Variants in FAM227B observed in about 807,000 individuals in gnomAD.
FAM227B encodes family with sequence similarity 227 member B, also known as protein FAM227B.
FAM227B carries 88 observed loss-of-function variants against 73.8 expected under a neutral mutation model. That is an observed-to-expected ratio of 1.19 (90% CI 1.00 to 1.42). FAM227B has a LOEUF of 1.42. Among genes scored for constraint, FAM227B ranks in the 40% most tolerant of loss-of-function variants. The probability of loss-of-function intolerance (pLI) is 0.00; values close to 1 mark genes in which losing one functional copy is unlikely to be tolerated. For synonymous variants in FAM227B, 210 were observed against 190.5 expected (o/e 1.10, Z -0.84); for missense variants, 632 against 590.9 (o/e 1.07, Z -0.72).
At chr15:49,501,015 G>A (rs554311504) in intron 11 of FAM227B, among the ~76,000 whole-genome samples, 84 of 152,252 alleles carry the variant, frequency 5.5e-4, no homozygotes, top group African/African-American at 1.7e-3. Context: ...TGCCAGCACC[G>A]TGCTTCCTGT....
In FAM227B at chr15:49,577,400, T is replaced by C. The variant is rs1000020066; in HGVS notation, c.441+229A>G. The C allele has an allele frequency of 2.3e-6, 1 of 439,132 alleles. No homozygotes were observed. The highest frequency in any genetic ancestry group is 2.0e-5 in the African/African-American group (1 of 48,910). The allele number at this position is 439,132 out of a possible 1,614,324, so 27.2% of individuals were successfully genotyped here. On this transcript the variant is annotated intron_variant, in intron 6 of 15. Coordinates refer to ENST00000299338, the MANE Select transcript of FAM227B (RefSeq NM_152647.3). ...CATATCTAAAATAAAAACAAAATCA[T>C]ATTTCAGAACTAATTTTGATATAAA... is the stretch of plus-strand genomic sequence containing the variant.
chr15:49,365,696 T>G, intron 13 of FAM227B: 1 of 915,370 alleles, frequency 1.1e-6, no homozygotes, highest in South Asian at 1.3e-5. Flanking sequence ...TTCAGTGTTT[T>G]AATTAAATTC....
intron 11 of FAM227B, among the ~76,000 whole-genome samples, chr15:49,376,153 A>G (rs564181488): frequency 1.3e-5 from 2 of 152,156 alleles, no homozygotes; most frequent in Non-Finnish European, 2.9e-5. Context: ...CAATTTATTT[A>G]TTTTTAATTT....
chr15:49,369,329 C>T (rs1596633075), intron 12 of FAM227B, among the ~76,000 whole-genome samples: 1 of 152,088 alleles, frequency 6.6e-6, no homozygotes, highest in African/African-American at 2.4e-5. Context: ...TCCAAATAGC[C>T]AAACCAATGA....
chr15:49,572,072 TAA>T (rs1567607121), intron 8 of FAM227B, among the ~76,000 whole-genome samples: 1 of 152,076 alleles, frequency 6.6e-6, no homozygotes, highest in Non-Finnish European at 1.5e-5. Context: ...CCTCCTTGGT[TAA>T]GTTTAAATCT....
intron 11 of FAM227B, among the ~76,000 whole-genome samples, chr15:49,480,895 A>G (rs2055885736): frequency 6.6e-6 from 1 of 152,222 alleles, no homozygotes; most frequent in Non-Finnish European, 1.5e-5. Context: ...TGGACCAAAA[A>G]GGGAAGATGT....
At chr15:49,402,547 G>A (rs931876059) in intron 11 of FAM227B, among the ~76,000 whole-genome samples, 6 of 152,118 alleles carry the variant, frequency 3.9e-5, no homozygotes, top group African/African-American at 1.4e-4. Context: ...GCAATTGTGA[G>A]TGGGAATTCA....
chr15:49,410,990 G>A (rs1352891461), intron 11 of FAM227B, among the ~76,000 whole-genome samples: 1 of 140,026 alleles, frequency 7.1e-6, no homozygotes, highest in Non-Finnish European at 1.6e-5. Flanking sequence ...GTATGTGTGT[G>A]TGTGTATCTG....
chr15:49,555,399 G>A (rs894798328), intron 9 of FAM227B, among the ~76,000 whole-genome samples: 1 of 152,188 alleles, frequency 6.6e-6, no homozygotes, highest in South Asian at 2.1e-4. Flanking sequence ...CTGGGTTGTA[G>A]GGCTTTTGCT....
chr15:49,354,913 C>T (rs893127877), intron 13 of FAM227B, among the ~76,000 whole-genome samples: 9 of 152,168 alleles, frequency 5.9e-5, no homozygotes, highest in African/African-American at 2.2e-4. Context: ...AGACTGCCTC[C>T]TCAAGTGGGT....
chr15:49,562,193 A>G (rs769762738), intron 9 of FAM227B, among the ~76,000 whole-genome samples: 4 of 152,096 alleles, frequency 2.6e-5, no homozygotes, highest in Non-Finnish European at 5.9e-5. Flanking sequence ...CAAAAATACA[A>G]TAGATTCTCA....
intron 11 of FAM227B, among the ~76,000 whole-genome samples, chr15:49,439,243 C>T (rs1324632001): frequency 6.6e-6 from 1 of 150,844 alleles, no homozygotes; most frequent in African/African-American, 2.4e-5. Flanking sequence ...AACATGGCAA[C>T]TGGCCTCCTT....
At chr15:49,568,928 CT>C (rs2074876767) in intron 8 of FAM227B, among the ~76,000 whole-genome samples, 1 of 151,918 alleles carries the variant, frequency 6.6e-6, no homozygotes, top group African/African-American at 2.4e-5. Flanking sequence ...TCCTCTTCAA[CT>C]TTTTGAAAGA....
chr15:49,574,423 TAGTC>T (rs2075317413), intron 8 of FAM227B, among the ~76,000 whole-genome samples: 1 of 152,142 alleles, frequency 6.6e-6, no homozygotes, highest in Non-Finnish European at 1.5e-5. Context: ...GTTCTCGTAA[TAGTC>T]AGTGAGTTCT....
intron 11 of FAM227B, among the ~76,000 whole-genome samples, chr15:49,422,180 G>A (rs1431668460): frequency 7.6e-6 from 1 of 131,292 alleles, no homozygotes; most frequent in Non-Finnish European, 1.6e-5. Flanking sequence ...GCGCGCGCGT[G>A]CACGCGTGTG....
At chr15:49,384,045 C>A (rs2151535809) in intron 11 of FAM227B, among the ~76,000 whole-genome samples, 1 of 152,218 alleles carries the variant, frequency 6.6e-6, no homozygotes, top group South Asian at 2.1e-4. Flanking sequence ...CTAAGGAATT[C>A]TCTTGATTCC....
At chr15:49,586,638 C>T (rs2076181632) in intron 5 of FAM227B, among the ~76,000 whole-genome samples, 1 of 152,106 alleles carries the variant, frequency 6.6e-6, no homozygotes, top group Admixed American at 6.6e-5. Flanking sequence ...GCAAACTACG[C>T]ATCTTACAAA....
intron 13 of FAM227B, chr15:49,343,714 A>G (rs537949938): frequency 6.6e-6 from 1 of 152,268 alleles, no homozygotes; most frequent in East Asian, 1.9e-4. Context: ...TGAATGGCCA[A>G]TTTATCCACT....
chr15:49,543,377 C>T (rs1298021044), intron 9 of FAM227B, among the ~76,000 whole-genome samples: 6 of 151,810 alleles, frequency 4.0e-5, no homozygotes, highest in Non-Finnish European at 7.4e-5. Flanking sequence ...CTTGCTGATT[C>T]GTTTGAGTTT....
Sources: gnomAD v4.1 joint callset for allele counts (sites outside exome capture counted in the v4.1 genomes callset) on GRCh38, gnomAD v4.1.1 for gene constraint, MANE v1.5 for transcripts, NCBI Gene and HGNC (gene_info 2026-07-23, HGNC 2026-07-21) for gene names.